COL14A1: variants seen among roughly 807,000 people sequenced by gnomAD.
COL14A1 encodes collagen type XIV alpha 1 chain, also known as collagen alpha-1(XIV) chain.
Under a neutral mutation model 230.3 loss-of-function variants are expected in COL14A1, and 136 were observed. The observed-to-expected ratio is 0.59, with a 90% confidence interval of 0.51 to 0.68. COL14A1 has a LOEUF of 0.68. Ranked by LOEUF, COL14A1 falls within the 30% of genes least tolerant of loss-of-function variation. The pLI is 0.00. For synonymous variants in COL14A1, 792 were observed against 784.1 expected (o/e 1.01, Z -0.17); for missense variants, 1,976 against 2,215.8 (o/e 0.89, Z 2.17).
intron 38 of COL14A1, among the ~76,000 whole-genome samples, 163 bp from the exon 39 acceptor site, chr8:120,315,369 TA>T (rs56356824): frequency 0.015 from 1,673 of 111,766 alleles, 21 homozygotes; most frequent in African/African-American, 0.04. Flanking sequence ...AGACTCCATT[TA>T]AAAAAAAAAA....
intron 42 of COL14A1, among the ~76,000 whole-genome samples, chr8:120,339,855 T>C (rs552918988): frequency 2.2e-4 from 34 of 152,092 alleles, no homozygotes; most frequent in African/African-American, 6.3e-4. Flanking sequence ...CTGGCCACCA[T>C]GGTGAAACCC....
intron 40 of COL14A1, among the ~76,000 whole-genome samples, chr8:120,317,700 G>C (rs1394968377): frequency 2.6e-5 from 4 of 152,162 alleles, no homozygotes; most frequent in Non-Finnish European, 5.9e-5. Flanking sequence ...TGTTGAATTA[G>C]TGTTTGAATC....
chr8:120,176,950 G>GT (rs1816302475), intron 5 of COL14A1, among the ~76,000 whole-genome samples: 1 of 151,950 alleles, frequency 6.6e-6, no homozygotes, highest in Admixed American at 6.6e-5. Context: ...CAACATCAAG[G>GT]TGAACTAGAA....
At chr8:120,136,639 T>C (rs1209003016) in intron 1 of COL14A1, among the ~76,000 whole-genome samples, 1 of 152,102 alleles carries the variant, frequency 6.6e-6, no homozygotes, top group East Asian at 1.9e-4. Context: ...GTGATTTTTA[T>C]TTTTTGTGAT....
At chr8:120,150,914 A>G (rs1005559887) in intron 2 of COL14A1, among the ~76,000 whole-genome samples, 8 of 152,162 alleles carry the variant, frequency 5.3e-5, no homozygotes, top group African/African-American at 1.9e-4. Context: ...CAAAGTGGAA[A>G]GAGGTGAGGA....
At chr8:120,340,105 AGTGAGTGT>A (rs1183064922) in intron 42 of COL14A1, among the ~76,000 whole-genome samples, 4 of 112,078 alleles carry the variant, frequency 3.6e-5, no homozygotes, top group Non-Finnish European at 5.6e-5. Flanking sequence ...TTTGTGAGTG[AGTGAGTGT>A]GTGTGTGTGT....
chr8:120,201,511 A>G (rs945145652), intron 8 of COL14A1, among the ~76,000 whole-genome samples: 1 of 152,174 alleles, frequency 6.6e-6, no homozygotes, highest in Non-Finnish European at 1.5e-5. Flanking sequence ...ATTTACCAGC[A>G]CACCCCTGGA....
intron 45 of COL14A1, among the ~76,000 whole-genome samples, chr8:120,349,036 A>T (rs550803672): frequency 2.6e-5 from 4 of 152,270 alleles, no homozygotes; most frequent in African/African-American, 7.2e-5. Context: ...GCAGCTGGAG[A>T]TCTGAGAACC....
At position 120,285,857 on chromosome 8, in the gene COL14A1, A is replaced by C. The variant is rs774442740; in HGVS notation, c.3968-4A>C. Reference sequence around the variant, plus strand: ...CTAAAATATTTTTATTTTTCTTTCAATAGATGGTGGGAAAACTCTAACATA... The same window carrying C: ...CTAAAATATTTTTATTTTTCTTTCACTAGATGGTGGGAAAACTCTAACATA... On this transcript the variant is annotated splice_region_variant and splice_polypyrimidine_tract_variant and intron_variant, in intron 32 of 47. Coordinates refer to ENST00000297848, the MANE Select transcript of COL14A1 (RefSeq NM_021110.4). 50 of 1,539,848 alleles carry C rather than the reference A, an allele frequency of 3.2e-5. No homozygotes were observed. The highest frequency in any genetic ancestry group is 4.2e-5 in the Non-Finnish European group (48 of 1,130,544).
intron 40 of COL14A1, among the ~76,000 whole-genome samples, chr8:120,323,784 T>A (rs1821554417): frequency 1.3e-5 from 2 of 152,218 alleles, no homozygotes; most frequent in African/African-American, 4.8e-5. Flanking sequence ...ATGTGTCTGT[T>A]CTTGTACAAG....
chr8:120,168,611 C>T (rs1033814737), intron 5 of COL14A1, among the ~76,000 whole-genome samples: 2 of 152,148 alleles, frequency 1.3e-5, no homozygotes, highest in African/African-American at 4.8e-5. Context: ...CCTGCCTTTA[C>T]CACTTTGAGT....
At position 120,280,996 on chromosome 8, in the gene COL14A1, G is replaced by T; in HGVS notation, c.3761G>T (p.Gly1254Val). 6.2e-7 allele frequency: 1 copy of T among 1,612,634 alleles called. No homozygotes were observed. The highest frequency in any genetic ancestry group is 8.5e-7 in the Non-Finnish European group (1 of 1,179,414). ...SSVEGVSMEP[G>V]TFNVFPCYQL... ...GTGGAAGGGGTTTCTATGGAGCCTG[G>T]TACCTTCAATGTGTTTCCATGTTAC... is the stretch of plus-strand genomic sequence containing the variant. The change falls in exon 31 of 48, where the codon GGT becomes GTT. Residue 1254 changes from glycine (G) to valine (V), a missense_variant. Coordinates refer to ENST00000297848, the MANE Select transcript of COL14A1 (RefSeq NM_021110.4).
At chr8:120,330,151 G>T (rs1821815543) in intron 40 of COL14A1, among the ~76,000 whole-genome samples, 1 of 152,090 alleles carries the variant, frequency 6.6e-6, no homozygotes, top group Admixed American at 6.6e-5. Flanking sequence ...TTGCAAAGAG[G>T]GTGCAAAACA....
rs1820023564 is a variant in COL14A1, at chr8:120,281,078, A to G, written c.3824+19A>G. 6.3e-7 allele frequency: 1 copy of G among 1,595,148 alleles called. No homozygotes were observed. Among genetic ancestry groups the G allele is most frequent in the Non-Finnish European group, 8.5e-7 (1 of 1,173,462 alleles). On this transcript the variant is annotated intron_variant, in intron 31 of 47. Coordinates refer to ENST00000297848, the MANE Select transcript of COL14A1 (RefSeq NM_021110.4). ...CAACCAGGTATGTTTCTGTTGAAAG[A>G]TTTTAAAGTCATCGTATGTTTATTA...
At chr8:120,228,281 G>A (rs879403254) in intron 17 of COL14A1, among the ~76,000 whole-genome samples, 7 of 152,176 alleles carry the variant, frequency 4.6e-5, no homozygotes, top group Admixed American at 2.0e-4. Context: ...ATATGCCCAC[G>A]GTGGCTGTAA....
Position 120,372,599 on chromosome 8 carries a change from A to G in COL14A1, c.*1368A>G, listed in dbSNP as rs1812194363. 6.6e-6 allele frequency among the ~76,000 whole-genome samples: 1 copy of G among 152,172 alleles called. No individual in the cohort carries two copies. The highest frequency in any genetic ancestry group is 6.5e-5 in the Admixed American group (1 of 15,272). The stretch of plus-strand genomic sequence containing the variant: ...AACTTTAGAAAGTAGGGATGGGATC[A>G]TTTACAACTAGAAGCTGGATTCTTT... On this transcript the variant is annotated 3_prime_UTR_variant, in exon 48 of 48. Transcript: ENST00000297848.
chr8:120,250,755 T>C lies in COL14A1; in HGVS notation c.2741T>C (p.Met914Thr), dbSNP rs1447136554. Residue 914 changes from methionine to threonine, a missense_variant, in exon 22 of 48, where the codon ATG (methionine) becomes ACG (threonine). Physicochemically the swap from Met to Thr is moderately conservative, Grantham distance 81. Transcript: ENST00000297848. ...ASGFSDALTG[M>T]VKTLFLGVTN... Reference sequence around the variant, plus strand: ...GGCTTCAGCGACGCCCTGACAGGCATGGTGAAAACATGTAAGAGCCATTTC... The same window carrying C: ...GGCTTCAGCGACGCCCTGACAGGCACGGTGAAAACATGTAAGAGCCATTTC... 1.2e-6 allele frequency: 2 copies of C among 1,613,968 alleles called. No homozygotes were observed. Among genetic ancestry groups the C allele is most frequent in the Non-Finnish European group, 1.7e-6 (2 of 1,180,022 alleles).
chr8:120,292,305 ACT>A (rs1424451870), intron 34 of COL14A1, among the ~76,000 whole-genome samples: 1 of 152,114 alleles, frequency 6.6e-6, no homozygotes, highest in Admixed American at 6.5e-5. Flanking sequence ...TAAACAGAGC[ACT>A]CTCTGTGGTT....
chr8:120,182,125 C>G (rs1429181848), intron 5 of COL14A1, among the ~76,000 whole-genome samples: 1 of 152,192 alleles, frequency 6.6e-6, no homozygotes, highest in African/African-American at 2.4e-5. Flanking sequence ...TTATTATTCT[C>G]AACTTGTGAA....
Sources: gnomAD v4.1 joint callset for allele counts (sites outside exome capture counted in the v4.1 genomes callset) on GRCh38, gnomAD v4.1.1 for gene constraint, MANE v1.5 for transcripts, NCBI Gene and HGNC (gene_info 2026-07-23, HGNC 2026-07-21) for gene names.